The following PRMT8 variants were observed in gnomAD, a reference collection of about 807,000 sequenced individuals.
PRMT8 encodes the protein protein arginine methyltransferase 8, also known as protein arginine N-methyltransferase 8.
In PRMT8, 7 loss-of-function variants were observed where a neutral mutation model predicts 47.1. The observed-to-expected ratio is 0.15, with a 90% CI of 0.08 to 0.28. The LOEUF is 0.28. Ranked by LOEUF, PRMT8 falls within the 10% of genes least tolerant of loss-of-function variation. The pLI is 1.00. For synonymous variants in PRMT8, 188 were observed against 186.5 expected, an observed-to-expected ratio of 1.01 and a Z score of -0.07; for missense variants, 237 against 505.4, an observed-to-expected ratio of 0.47 and a Z score of 5.09.
At chr12:3,427,009 A>T (rs1047649321) in intron 1 of PRMT8, among the ~76,000 whole-genome samples, 12 of 152,200 alleles carry the variant, frequency 7.9e-5, no homozygotes, top group Admixed American at 2.0e-4. Context: ...TATAATTTTT[A>T]AGAAATTGAC....
intron 1 of PRMT8, among the ~76,000 whole-genome samples, chr12:3,384,656 A>C (rs1180403521): frequency 6.6e-6 from 1 of 152,000 alleles, no homozygotes; most frequent in Non-Finnish European, 1.5e-5. Flanking sequence ...TTTAATCACA[A>C]GGAAAATCTT....
chr12:3,531,934 C>G (rs1265692661), intron 1 of PRMT8, among the ~76,000 whole-genome samples: 1 of 152,122 alleles, frequency 6.6e-6, no homozygotes, highest in Non-Finnish European at 1.5e-5. Context: ...AGGGCTTCAG[C>G]GAGGAAGAGA....
At chr12:3,545,915 A>G (rs537287343) in intron 2 of PRMT8, among the ~76,000 whole-genome samples, 14 of 152,370 alleles carry the variant, frequency 9.2e-5, no homozygotes, top group African/African-American at 2.2e-4. Context: ...AAGACATGTT[A>G]TTTTCAAGTG....
Position 3,564,957 on chromosome 12 carries a change from A to T in PRMT8, c.482-3749A>T, listed in dbSNP as rs1866694516. ...TGTAGATTGGAAAATTGAATCTGGA[A>T]GTTTAAGTGGTTGCTGGTGGTGACT... On this transcript the variant is annotated intron_variant, in intron 4 of 9. Coordinates refer to ENST00000382622, the MANE Select transcript of PRMT8 (RefSeq NM_019854.5). The surrounding 1 kb of genome is among the most constrained non-coding windows in gnomAD (Gnocchi z 4.0). Among the ~76,000 whole-genome samples, 1 of 152,236 alleles carries T rather than the reference A, an allele frequency of 6.6e-6. No homozygotes were observed. Among genetic ancestry groups the T allele is most frequent in the African/African-American group, 2.4e-5 (1 of 41,456 alleles).
intron 6 of PRMT8, among the ~76,000 whole-genome samples, chr12:3,573,724 T>C (rs773630492): frequency 2.0e-5 from 3 of 152,208 alleles, no homozygotes; most frequent in Non-Finnish European, 4.4e-5. Context: ...CATTATGCCA[T>C]AGTATAGTCC....
intron 1 of PRMT8, among the ~76,000 whole-genome samples, chr12:3,410,077 C>CT (rs1431542361): frequency 7.9e-5 from 12 of 152,004 alleles, no homozygotes; most frequent in Admixed American, 5.9e-4. Flanking sequence ...CACCAAGACT[C>CT]TTTTTTTTCT....
At chr12:3,568,571 A>G (rs1338738876) in intron 4 of PRMT8, 135 bp from the exon 5 acceptor site, 2 of 940,962 alleles carry the variant, frequency 2.1e-6, no homozygotes, top group African/African-American at 1.7e-5. Flanking sequence ...AGTTTGGTAA[A>G]GGGTGAGCTA....
intron 1 of PRMT8, among the ~76,000 whole-genome samples, chr12:3,411,289 G>A (rs1864427279): frequency 6.6e-6 from 1 of 152,154 alleles, no homozygotes. Context: ...TTTGAGGGGT[G>A]GAGAGGCCTC....
chr12:3,463,876 C>T (rs1865063877), intron 1 of PRMT8, among the ~76,000 whole-genome samples: 1 of 152,230 alleles, frequency 6.6e-6, no homozygotes, highest in Non-Finnish European at 1.5e-5. Context: ...AGGGTTGATG[C>T]ACATCCTCAC....
At chr12:3,483,057 G>A (rs1865289819) in intron 1 of PRMT8, among the ~76,000 whole-genome samples, 2 of 152,144 alleles carry the variant, frequency 1.3e-5, no homozygotes, top group African/African-American at 2.4e-5. Context: ...GTGTGACCTG[G>A]ACAAGTTCAG....
intron 1 of PRMT8, among the ~76,000 whole-genome samples, chr12:3,462,501 A>G (rs1004201868): frequency 1.3e-5 from 2 of 152,044 alleles, no homozygotes; most frequent in African/African-American, 2.4e-5. Context: ...TATTAGAGCT[A>G]TATGTGGCAA....
At chr12:3,435,564 C>T (rs963093878) in intron 1 of PRMT8, among the ~76,000 whole-genome samples, 4 of 150,476 alleles carry the variant, frequency 2.7e-5, no homozygotes, top group African/African-American at 7.4e-5. Context: ...CTTTGTCACC[C>T]AGGCTGGAGT....
chr12:3,422,155 C>G (rs1297815559), intron 1 of PRMT8, among the ~76,000 whole-genome samples: 1 of 152,206 alleles, frequency 6.6e-6, no homozygotes, highest in Admixed American at 6.5e-5. Flanking sequence ...GTTTTCTCAC[C>G]TGTAAAATGA....
chr12:3,464,729 T>A (rs1267361102), intron 1 of PRMT8, among the ~76,000 whole-genome samples: 2 of 152,196 alleles, frequency 1.3e-5, no homozygotes, highest in African/African-American at 4.8e-5. Flanking sequence ...TCAGATCTCA[T>A]CTGCCCTGGC....
At chr12:3,560,404 C>T (rs1017574540) in intron 4 of PRMT8, among the ~76,000 whole-genome samples, 2 of 152,220 alleles carry the variant, frequency 1.3e-5, no homozygotes, top group Non-Finnish European at 2.9e-5. Flanking sequence ...CAGGAAGCCA[C>T]CTGCGGCAGG....
In PRMT8 at chr12:3,456,299, G is replaced by C. The variant is rs934161839; in HGVS notation, c.48+74857G>C. 4.6e-5 allele frequency among the ~76,000 whole-genome samples: 7 copies of C among 152,138 alleles called. No individual in the cohort carries two copies. The highest frequency in any genetic ancestry group is 4.6e-4 in the Admixed American group (7 of 15,280). Reference sequence around the variant, plus strand: ...CATGGCCCAAACTACAGTTCCTCTGGGGGTGGTTCATTTACAAAGTGGAGC... The same window carrying C: ...CATGGCCCAAACTACAGTTCCTCTGCGGGTGGTTCATTTACAAAGTGGAGC... On this transcript the variant is annotated intron_variant, in intron 1 of 9. Transcript: ENST00000452611. This position sits in a 1 kb window ranked among gnomAD's most constrained non-coding sequence, Gnocchi z 4.2.
At chr12:3,536,640 T>G (rs1468463703) in intron 1 of PRMT8, among the ~76,000 whole-genome samples, 3 of 152,204 alleles carry the variant, frequency 2.0e-5, no homozygotes, top group Non-Finnish European at 4.4e-5. Flanking sequence ...TGAGGTGATC[T>G]GCACAGCTTC....
chr12:3,565,042 GA>G (rs957622516), intron 4 of PRMT8, among the ~76,000 whole-genome samples: 3 of 152,332 alleles, frequency 2.0e-5, no homozygotes, highest in African/African-American at 7.2e-5. Context: ...TGGCTGCACA[GA>G]AAGAATGTGA....
chr12:3,464,596 G>A (rs1021079661), intron 1 of PRMT8, among the ~76,000 whole-genome samples: 9 of 151,884 alleles, frequency 5.9e-5, no homozygotes, highest in African/African-American at 2.2e-4. Context: ...TGCTAGATGG[G>A]GTTAACAAAA....
Sources: gnomAD v4.1 joint callset for allele counts (sites outside exome capture counted in the v4.1 genomes callset) on GRCh38, gnomAD v4.1.1 for gene constraint, Gnocchi (gnomAD v3.1) non-coding constraint, MANE v1.5 for transcripts, NCBI Gene and HGNC (gene_info 2026-07-23, HGNC 2026-07-21) for gene names.